KAT2B: variants seen among roughly 807,000 people sequenced by gnomAD.
KAT2B encodes the protein histone acetyltransferase KAT2B.
A neutral mutation model predicts 105.9 loss-of-function variants in KAT2B; 36 were observed. That is an observed-to-expected ratio of 0.34 (90% confidence interval 0.26 to 0.45). KAT2B has a LOEUF of 0.45. Among genes scored for constraint, KAT2B ranks in the 20% least tolerant of loss-of-function variants. The pLI is 1.00. For missense variants in KAT2B, 820 were observed against 1,021.6 expected, an observed-to-expected ratio of 0.80 and a Z score of 2.69; for synonymous variants, 397 against 377.9, an observed-to-expected ratio of 1.05 and a Z score of -0.59.
intron 2 of KAT2B, 82 bp downstream of exon 2, chr3:20,072,541 C>T: frequency 7.3e-7 from 1 of 1,374,372 alleles, no homozygotes; most frequent in Middle Eastern, 1.8e-4. Context: ...TGTGGGTTCA[C>T]CAAATTTGAA....
intron 1 of KAT2B, among the ~76,000 whole-genome samples, chr3:20,062,123 T>TA (rs1698128030): frequency 1.2e-5 from 1 of 82,952 alleles, no homozygotes; most frequent in Non-Finnish European, 2.0e-5. Flanking sequence ...ATATAAAACA[T>TA]ATATATATAA....
chr3:20,046,566 A>G (rs1031250869), intron 1 of KAT2B, among the ~76,000 whole-genome samples: 2 of 152,102 alleles, frequency 1.3e-5, no homozygotes, highest in Non-Finnish European at 2.9e-5. Context: ...TTGTCTCAAA[A>G]TAATAATAAT....
At chr3:20,074,363 A>G (rs1698381342) in intron 2 of KAT2B, among the ~76,000 whole-genome samples, 1 of 152,224 alleles carries the variant, frequency 6.6e-6, no homozygotes. Flanking sequence ...TCCTAACTCT[A>G]TAACCAGTAG....
At position 20,109,495 on chromosome 3, in the gene KAT2B, T is replaced by C. The variant is rs76379975; in HGVS notation, c.852-2101T>C. ...ATACATCTGGCTGATTTTTAAACTT[T>C]TTGTAGAGATGGGCGTCTTACTATG... is the stretch of plus-strand genomic sequence containing the variant. On this transcript the variant is annotated intron_variant, in intron 5 of 17. Transcript: ENST00000263754. Among the ~76,000 whole-genome samples, 404 of 152,224 alleles carry C rather than the reference T, an allele frequency of 2.7e-3. 2 individuals are homozygous for C. The East Asian group carries it at 0.028, about 11-fold the overall frequency.
intron 1 of KAT2B, among the ~76,000 whole-genome samples, chr3:20,070,016 T>G (rs1181061524): frequency 1.3e-5 from 2 of 152,152 alleles, no homozygotes; most frequent in African/African-American, 4.8e-5. Flanking sequence ...CAAGGCCAGG[T>G]TCAGCCTGGC....
intron 17 of KAT2B, 116 bp downstream of exon 17, chr3:20,148,603 G>C: frequency 1.3e-6 from 1 of 752,516 alleles, no homozygotes. Context: ...AGTGTATGAC[G>C]GGTGGTGGGA....
At chr3:20,099,693 T>G (rs1698874217) in intron 3 of KAT2B, among the ~76,000 whole-genome samples, 169 bp from the exon 4 acceptor site, 1 of 152,116 alleles carries the variant, frequency 6.6e-6, no homozygotes. Context: ...ACTTAAGGAT[T>G]TGTTTATATA....
chr3:20,083,757 A>G (rs1698563134), intron 2 of KAT2B, among the ~76,000 whole-genome samples: 1 of 152,138 alleles, frequency 6.6e-6, no homozygotes, highest in Admixed American at 6.6e-5. Flanking sequence ...AGCTCAGTGG[A>G]GTCTGGTGGC....
intron 15 of KAT2B, 56 bp from the exon 16 acceptor site, chr3:20,148,187 C>T: frequency 6.7e-7 from 1 of 1,485,890 alleles, no homozygotes; most frequent in Non-Finnish European, 9.4e-7. Context: ...TAGTAATCAG[C>T]TGGCAATAGG....
At chr3:20,045,212 T>G (rs1697787682) in intron 1 of KAT2B, among the ~76,000 whole-genome samples, 1 of 151,970 alleles carries the variant, frequency 6.6e-6, no homozygotes, top group Admixed American at 6.6e-5. Flanking sequence ...GAGATGGGGT[T>G]TCGCCATGTT....
At chr3:20,102,213 G>A (rs568782840) in intron 5 of KAT2B, among the ~76,000 whole-genome samples, 1 of 152,206 alleles carries the variant, frequency 6.6e-6, no homozygotes, top group African/African-American at 2.4e-5. Context: ...CTACTTGGGA[G>A]GCTGAGGCAG....
At chr3:20,128,255 A>G (rs1263750609) in intron 11 of KAT2B, among the ~76,000 whole-genome samples, 2 of 152,226 alleles carry the variant, frequency 1.3e-5, no homozygotes, top group East Asian at 1.9e-4. Context: ...TGTAATCACA[A>G]TTAGTGACAC....
chr3:20,122,368 AAAC>A (rs1352660739), intron 8 of KAT2B, among the ~76,000 whole-genome samples: 5 of 152,238 alleles, frequency 3.3e-5, no homozygotes, highest in African/African-American at 1.2e-4. Flanking sequence ...GAGTACTAAC[AAAC>A]AATAGCTAGA....
chr3:20,109,452 G>A (rs1699081560), intron 5 of KAT2B, among the ~76,000 whole-genome samples: 1 of 152,176 alleles, frequency 6.6e-6, no homozygotes, highest in African/African-American at 2.4e-5. Flanking sequence ...AAGTAGCTAG[G>A]AATATAGGTA....
chr3:20,040,769 T>A lies in KAT2B; in HGVS notation c.292T>A (p.Ser98Thr). The A allele has an allele frequency of 6.3e-7, 1 of 1,591,560 alleles. No individual in the cohort carries two copies. Among genetic ancestry groups the A allele is most frequent in the East Asian group, 2.4e-5 (1 of 41,910 alleles). ...GAAACTGGAGAAACTCGGAGTGTAC[T>A]CCGCCTGCAAGGTACGCGCTCGCCG... ...AKKLEKLGVY[S>T]ACKAEESCKC... The change falls in exon 1 of 18, where the codon TCC becomes ACC. Residue 98 changes from serine to threonine, a missense_variant. This residue lies in a region of KAT2B where 190 missense variants were observed against 176.7 expected (regional missense o/e 1.08). Coordinates refer to ENST00000263754, the MANE Select transcript of KAT2B (RefSeq NM_003884.5).
chr3:20,109,662 C>G (rs1188545490), intron 5 of KAT2B, among the ~76,000 whole-genome samples: 1 of 152,142 alleles, frequency 6.6e-6, no homozygotes, highest in Middle Eastern at 3.2e-3. Context: ...CACAGACTAA[C>G]ATCTAGCAAA....
chr3:20,140,934 C>T (rs1575157985), intron 13 of KAT2B, among the ~76,000 whole-genome samples: 1 of 152,164 alleles, frequency 6.6e-6, no homozygotes, highest in East Asian at 1.9e-4. Context: ...TTTAACTTCA[C>T]CTTCAAGCCA....
chr3:20,100,696 T>G (rs748400191), intron 4 of KAT2B, among the ~76,000 whole-genome samples: 1 of 152,206 alleles, frequency 6.6e-6, no homozygotes, highest in African/African-American at 2.4e-5. Flanking sequence ...GCTCTTTTAT[T>G]TGAAATTAGA....
chr3:20,100,026 C>T (rs1698881927), intron 4 of KAT2B, 72 bp downstream of exon 4: 1 of 808,844 alleles, frequency 1.2e-6, no homozygotes, highest in South Asian at 1.5e-5. Flanking sequence ...CCTTTTATAT[C>T]TCTATCTACG....
Sources: gnomAD v4.1 joint callset for allele counts (sites outside exome capture counted in the v4.1 genomes callset) on GRCh38, gnomAD v4.1.1 for gene constraint, gnomAD v4.1.1 regional missense constraint, MANE v1.5 for transcripts, NCBI Gene and HGNC (gene_info 2026-07-23, HGNC 2026-07-21) for gene names.